Variants in PDHX observed in about 807,000 individuals in gnomAD.
PDHX encodes the protein pyruvate dehydrogenase complex component X.
A neutral mutation model predicts 55.3 loss-of-function variants in PDHX; 33 were observed. The ratio of observed to expected loss-of-function variants is 0.60; its 90% CI spans 0.45 to 0.80. PDHX has a LOEUF of 0.80. Ranked by LOEUF, PDHX falls within the 30% of genes least tolerant of loss-of-function variation. PDHX has a pLI of 0.00. For missense variants in PDHX, 622 were observed against 619.9 expected (o/e 1.00, Z -0.04); for synonymous variants, 226 against 219.4 (o/e 1.03, Z -0.27).
In PDHX at chr11:34,957,578, A is replaced by G. The variant is rs766725538; in HGVS notation, c.537A>G (p.Thr179=). 2.5e-6 allele frequency: 4 copies of G among 1,610,858 alleles called. No individual in the cohort carries two copies. Among genetic ancestry groups the G allele is most frequent in the African/African-American group, 2.7e-5 (2 of 74,852 alleles). ...IPVKKEHIPG[T]LRFRLSPAAR... ...TCAAGAAGGAACACATACCCGGGAC[A>G]CTACGGTGAGTATATATTTATTCAA... The change falls in exon 4 of 11, where the codon ACA becomes ACG. Residue 179 remains threonine (T), a synonymous_variant. Transcript: ENST00000227868.
chr11:34,937,130 C>T lies in PDHX; in HGVS notation c.241+5646C>T, dbSNP rs373899163. Reference sequence around the variant, plus strand: ...TTTCTGAGCCCTATTAGTAGCATTGCGTTGAAAGGAACAGACCCTAAGAGT... The same window carrying T: ...TTTCTGAGCCCTATTAGTAGCATTGTGTTGAAAGGAACAGACCCTAAGAGT... On this transcript the variant is annotated intron_variant, in intron 2 of 10. Coordinates refer to ENST00000227868, the MANE Select transcript of PDHX (RefSeq NM_003477.3). Among the ~76,000 whole-genome samples, 8 of 152,154 alleles carry T rather than the reference C, an allele frequency of 5.3e-5. No individual in the cohort carries two copies. The East Asian group carries it at 1.2e-3, about 22-fold the overall frequency.
chr11:34,923,936 A>G (rs1446834795), intron 1 of PDHX, among the ~76,000 whole-genome samples: 2 of 152,242 alleles, frequency 1.3e-5, no homozygotes, highest in Non-Finnish European at 2.9e-5. Context: ...ATCAAGAATT[A>G]GTGTACTTTA....
At chr11:34,916,612 G>T (rs1432137247), upstream of PDHX, 3 of 1,599,448 alleles carry the variant, frequency 1.9e-6, no homozygotes, top group African/African-American at 4.0e-5. Context: ...CTTGATGCTG[G>T]ACATCAGGCT....
At chr11:34,972,801 T>C (rs1370222913) in intron 7 of PDHX, among the ~76,000 whole-genome samples, 1 of 152,226 alleles carries the variant, frequency 6.6e-6, no homozygotes, top group Non-Finnish European at 1.5e-5. Flanking sequence ...TTTCAAAATA[T>C]TTGAGAACTA....
At position 34,984,716 on chromosome 11, in the gene PDHX, T is replaced by A. The variant is rs886533124; in HGVS notation, c.1170T>A (p.Ala390=). Residue 390 remains alanine (A), a synonymous_variant, in exon 9 of 11, where the codon GCT becomes GCA. Transcript: ENST00000227868. ...DAAAKGIQEI[A]DSVKALSKKA... ...CTGCTAAAGGTATCCAGGAAATTGCTGACTCTGTAAAGGTATGTCTTAAGA... is the reference window on the plus strand; with the variant it reads ...CTGCTAAAGGTATCCAGGAAATTGCAGACTCTGTAAAGGTATGTCTTAAGA... 1 of 1,614,008 alleles carries A rather than the reference T, an allele frequency of 6.2e-7. No individual in the cohort carries two copies. The highest frequency in any genetic ancestry group is 8.5e-7 in the Non-Finnish European group (1 of 1,179,864).
At chr11:34,943,870 A>C (rs1034054993) in intron 2 of PDHX, among the ~76,000 whole-genome samples, 1 of 151,996 alleles carries the variant, frequency 6.6e-6, no homozygotes, top group Admixed American at 6.6e-5. Flanking sequence ...ACAAAAACTG[A>C]ATTAGATGCC....
intron 7 of PDHX, among the ~76,000 whole-genome samples, chr11:34,971,326 A>G (rs1855253700): frequency 6.6e-6 from 1 of 152,142 alleles, no homozygotes; most frequent in Non-Finnish European, 1.5e-5. Flanking sequence ...TGCACTGACT[A>G]GGACCTCTGT....
At chr11:34,950,227 G>A (rs1045463963) in intron 3 of PDHX, among the ~76,000 whole-genome samples, 4 of 151,830 alleles carry the variant, frequency 2.6e-5, no homozygotes, top group Non-Finnish European at 5.9e-5. Flanking sequence ...AGTTGTAGAG[G>A]CTTCAAATGA....
intron 1 of PDHX, among the ~76,000 whole-genome samples, chr11:34,930,188 A>G (rs955603781): frequency 7.2e-5 from 11 of 152,332 alleles, no homozygotes; most frequent in Admixed American, 6.5e-4. Context: ...ATGATCAGGA[A>G]GTTCTTAAAA....
intron 6 of PDHX, among the ~76,000 whole-genome samples, chr11:34,967,493 A>C (rs1200272759): frequency 6.6e-6 from 1 of 152,196 alleles, no homozygotes; most frequent in Admixed American, 6.5e-5. Flanking sequence ...TTTTGTGGAT[A>C]TGTTCTACTT....
intron 4 of PDHX, 100 bp from the exon 5 acceptor site, chr11:34,960,320 G>T (rs1208136259): frequency 5.2e-6 from 4 of 772,118 alleles, no homozygotes; most frequent in African/African-American, 3.5e-5. Flanking sequence ...TTTATTATAA[G>T]ATTTTTTTTT....
chr11:34,983,884 A>G (rs1283270172), intron 8 of PDHX, among the ~76,000 whole-genome samples: 1 of 152,230 alleles, frequency 6.6e-6, no homozygotes, highest in Non-Finnish European at 1.5e-5. Context: ...CATCCCCATC[A>G]AGCTACCAAT....
chr11:34,940,602 A>G (rs1854450611), intron 2 of PDHX, among the ~76,000 whole-genome samples: 1 of 152,182 alleles, frequency 6.6e-6, no homozygotes, highest in Non-Finnish European at 1.5e-5. Context: ...TATTTTAAGT[A>G]TTCAATGATT....
At position 34,957,460 on chromosome 11, in the gene PDHX, A is replaced by T. The variant is rs199531388; in HGVS notation, c.419A>T (p.His140Leu). 1 of 1,613,750 alleles carries T rather than the reference A, an allele frequency of 6.2e-7. No homozygotes were observed. The highest frequency in any genetic ancestry group is 2.2e-5 in the East Asian group (1 of 44,880). The change falls in exon 4 of 11, where the codon CAT becomes CTT. Residue 140 changes from histidine (H) to leucine (L), a missense_variant. Transcript: ENST00000227868. ...LIVEEGEDWK[H>L]VEIPKDVGPP... ...GTAGAAGAAGGAGAAGATTGGAAAC[A>T]TGTTGAAATTCCCAAAGACGTAGGT...
intron 1 of PDHX, among the ~76,000 whole-genome samples, chr11:34,917,663 C>T (rs966363995): frequency 6.6e-6 from 1 of 151,922 alleles, no homozygotes; most frequent in African/African-American, 2.4e-5. Flanking sequence ...ACGTTGCCTT[C>T]ATATTCTGAG....
At position 34,944,630 on chromosome 11, in the gene PDHX, A is replaced by G. The variant is rs1590741870; in HGVS notation, c.242-2876A>G. On this transcript the variant is annotated intron_variant, in intron 2 of 10. Coordinates refer to ENST00000227868, the MANE Select transcript of PDHX (RefSeq NM_003477.3). ...CAATGAAGTACTTTCTGTACTGTGA[A>G]CGTTCAGAGCATATTTGTTAATTTA... Among the ~76,000 whole-genome samples, 3 of 152,204 alleles carry G rather than the reference A, an allele frequency of 2.0e-5. No homozygotes were observed. In the East Asian group the frequency reaches 5.8e-4, roughly 29 times the overall value.
Position 34,952,707 on chromosome 11 carries a change from A to G in PDHX, c.343-4677A>G, listed in dbSNP as rs1344701106. Among the ~76,000 whole-genome samples, 4 of 151,338 alleles carry G rather than the reference A, an allele frequency of 2.6e-5. No individual in the cohort carries two copies. The East Asian group carries it at 7.8e-4, about 29-fold the overall frequency. On this transcript the variant is annotated intron_variant, in intron 3 of 10. Coordinates refer to ENST00000227868, the MANE Select transcript of PDHX (RefSeq NM_003477.3). ...GATGTATCTCAAAATAATAAGAGCT[A>G]TCTATGACAAACCCACAGCCAATAT...
intron 6 of PDHX, among the ~76,000 whole-genome samples, chr11:34,967,127 C>G (rs992794665): frequency 6.6e-6 from 1 of 152,166 alleles, no homozygotes; most frequent in Non-Finnish European, 1.5e-5. Flanking sequence ...GCTGGGATTA[C>G]AGGTGTGAAT....
At chr11:34,929,139 T>G (rs1233962526) in intron 1 of PDHX, among the ~76,000 whole-genome samples, 1 of 99,806 alleles carries the variant, frequency 1.0e-5, no homozygotes, top group African/African-American at 4.1e-5. Context: ...AAACTCATTG[T>G]GGCTATTTTT....
Sources: allele counts gnomAD v4.1 joint callset (sites outside exome capture counted in the v4.1 genomes callset), GRCh38; gene constraint gnomAD v4.1.1; transcripts MANE v1.5; gene names NCBI Gene and HGNC (gene_info 2026-07-23, HGNC 2026-07-21).